VWDE: variants seen among roughly 807,000 people sequenced by gnomAD.
The protein encoded by VWDE is von Willebrand factor D and EGF domains.
In VWDE, 207 loss-of-function variants were observed where a neutral mutation model predicts 178.4. That is an observed-to-expected ratio of 1.16 (90% confidence interval 1.04 to 1.30). The LOEUF (loss-of-function observed/expected upper bound fraction) is 1.30, where lower values mean the gene tolerates loss of function less well. Ranked by LOEUF, VWDE falls within the 50% of genes most tolerant of loss-of-function variation. The pLI is 0.00. For missense variants in VWDE, 2,287 were observed against 1,901.3 expected, an observed-to-expected ratio of 1.20 and a Z score of -3.77; for synonymous variants, 738 against 651.4, an observed-to-expected ratio of 1.13 and a Z score of -2.02.
At chr7:12,347,920 C>T (rs1049725298) in intron 19 of VWDE, among the ~76,000 whole-genome samples, 18 of 152,028 alleles carry the variant, frequency 1.2e-4, no homozygotes, top group Admixed American at 6.6e-4. Context: ...AATAACGCCG[C>T]GTATCTACAA....
At chr7:12,337,417 T>C (rs914139063) in intron 24 of VWDE, 145 bp from the exon 25 acceptor site, 3 of 748,370 alleles carry the variant, frequency 4.0e-6, no homozygotes, top group African/African-American at 3.5e-5. Context: ...AAACCTGTCC[T>C]TTCTAAATCA....
chr7:12,357,583 TC>T (rs1169333507), intron 16 of VWDE, 68 bp from the exon 17 acceptor site: 3 of 1,483,716 alleles, frequency 2.0e-6, no homozygotes, highest in Non-Finnish European at 1.8e-6. Context: ...TTCTGAGAGC[TC>T]CCACAGAGAT....
intron 3 of VWDE, 140 bp from the exon 4 acceptor site, chr7:12,383,741 T>G: frequency 1.4e-6 from 1 of 724,204 alleles, no homozygotes. Flanking sequence ...TCATAACATT[T>G]TTTTCCTTTT....
At position 12,390,905 on chromosome 7, in the gene VWDE, C is replaced by T. The variant is rs188631514; in HGVS notation, c.244-1547G>A. On this transcript the variant is annotated intron_variant, in intron 2 of 28. Coordinates refer to ENST00000275358, the MANE Select transcript of VWDE (RefSeq NM_001135924.3). ...TTATAAAAATCAATCTTACTAAAGA[C>T]ACTAAAATTAAAACAATAATTACAT... Among the ~76,000 whole-genome samples, 354 of 152,164 alleles carry T rather than the reference C, an allele frequency of 2.3e-3. 4 individuals carry two copies. The highest frequency in any genetic ancestry group is 7.9e-3 in the African/African-American group (328 of 41,562).
intron 1 of VWDE, among the ~76,000 whole-genome samples, chr7:12,400,916 G>A (rs76206668): frequency 0.031 from 4,740 of 152,016 alleles, 255 homozygotes; most frequent in African/African-American, 0.11. Flanking sequence ...AACTAAAATC[G>A]AATTACTATA....
intron 19 of VWDE, among the ~76,000 whole-genome samples, 171 bp downstream of exon 19, chr7:12,351,402 C>A (rs1583290329): frequency 6.6e-6 from 1 of 151,986 alleles, no homozygotes; most frequent in African/African-American, 2.4e-5. Flanking sequence ...AAATATAAGC[C>A]AGATGATTGA....
chr7:12,359,632 G>C lies in VWDE; in HGVS notation c.3220C>G (p.Pro1074Ala). ...YVEGDKNPTS[P>A]CLICRPKISR... The stretch of plus-strand genomic sequence containing the variant: ...ATTTTGGGTCTACAAATCAAACAAG[G>C]GCTGGTTGGATTTTTGTCTCCTTCA... The change falls in exon 16 of 29, where the codon CCT becomes GCT. Residue 1074 changes from proline (P) to alanine (A), a missense_variant. Pro to Ala is a conservative substitution (Grantham distance 27, BLOSUM62 -1). Transcript: ENST00000275358. 2.6e-6 allele frequency: 4 copies of C among 1,550,088 alleles called. No individual in the cohort carries two copies. The highest frequency in any genetic ancestry group is 3.5e-6 in the Non-Finnish European group (4 of 1,146,166).
At chr7:12,375,336 A>G in intron 7 of VWDE, 109 bp from the exon 8 acceptor site, 1 of 960,320 alleles carries the variant, frequency 1.0e-6, no homozygotes, top group East Asian at 2.7e-5. Flanking sequence ...TTCTCAAATT[A>G]TTTTCTCTTT....
At chr7:12,361,617 A>G (rs1227057066) in intron 13 of VWDE, 96 bp from the exon 14 acceptor site, 10 of 1,156,792 alleles carry the variant, frequency 8.6e-6, no homozygotes, top group Non-Finnish European at 1.1e-5. Context: ...TTTAAAATAT[A>G]TGCCTAGTAT....
intron 24 of VWDE, among the ~76,000 whole-genome samples, chr7:12,338,246 T>C (rs1292529825): frequency 1.3e-5 from 2 of 151,952 alleles, no homozygotes; most frequent in Non-Finnish European, 2.9e-5. Context: ...AAACAGATAA[T>C]TTCCAGTATT....
At chr7:12,398,882 G>C (rs1784750856) in intron 1 of VWDE, among the ~76,000 whole-genome samples, 1 of 152,058 alleles carries the variant, frequency 6.6e-6, no homozygotes, top group Non-Finnish European at 1.5e-5. Context: ...ATAGACACTA[G>C]GGACTACTGA....
intron 19 of VWDE, among the ~76,000 whole-genome samples, chr7:12,346,905 C>T (rs4499984): frequency 0.99 from 151,265 of 152,202 alleles, 75,170 homozygotes; most frequent in East Asian, 1. Context: ...CAGAAAAAGA[C>T]AGAAGAAAAT....
chr7:12,341,873 C>T (rs906879765), intron 23 of VWDE, among the ~76,000 whole-genome samples, 186 bp downstream of exon 23: 13 of 152,090 alleles, frequency 8.5e-5, no homozygotes, highest in African/African-American at 1.7e-4. Context: ...AGACACCATA[C>T]GGTTCAACAT....
At chr7:12,377,274 A>T (rs1449604447) in intron 7 of VWDE, among the ~76,000 whole-genome samples, 2 of 152,196 alleles carry the variant, frequency 1.3e-5, no homozygotes, top group Non-Finnish European at 2.9e-5. Flanking sequence ...AAATAGAAGA[A>T]TTTTAAGACA....
intron 13 of VWDE, among the ~76,000 whole-genome samples, chr7:12,363,309 T>G (rs1491001105): frequency 6.6e-6 from 1 of 151,822 alleles, no homozygotes; most frequent in African/African-American, 2.4e-5. Flanking sequence ...GAATAGTGTA[T>G]GAAAAAGACA....
At chr7:12,347,857 C>G (rs540438200) in intron 19 of VWDE, among the ~76,000 whole-genome samples, 1 of 151,990 alleles carries the variant, frequency 6.6e-6, no homozygotes, top group Non-Finnish European at 1.5e-5. Flanking sequence ...AACAGCATGG[C>G]ACTGGTACCA....
chr7:12,367,247 T>A (rs969047603), intron 13 of VWDE, 110 bp downstream of exon 13: 1 of 805,938 alleles, frequency 1.2e-6, no homozygotes, highest in African/African-American at 1.8e-5. Context: ...TCTCTAGATA[T>A]AATATCGTTT....
chr7:12,350,348 G>A (rs1781860659), intron 19 of VWDE, among the ~76,000 whole-genome samples: 1 of 152,032 alleles, frequency 6.6e-6, no homozygotes, highest in Non-Finnish European at 1.5e-5. Context: ...TAAATATTGT[G>A]AGAAAATTAG....
rs1460233165 is a variant in VWDE at position 12,393,791 on chromosome 7, G to A, written c.59-13C>T. The A allele has an allele frequency of 6.6e-7, 1 of 1,522,254 alleles. No individual in the cohort carries two copies. Among genetic ancestry groups the A allele is most frequent in the African/African-American group, 1.4e-5 (1 of 71,712 alleles). 94.3% of individuals were successfully genotyped at this position (1,522,254 alleles called of 1,614,324 possible). ...GAGCACTCCTGAGCTAGTATGGAAA[G>A]ACAGGTGTTTTTATGTAATGTGTTT... is the stretch of plus-strand genomic sequence containing the variant. On this transcript the variant is annotated splice_polypyrimidine_tract_variant and intron_variant, in intron 1 of 28. Transcript: ENST00000275358.
Sources: allele counts gnomAD v4.1 joint callset (sites outside exome capture counted in the v4.1 genomes callset), GRCh38; gene constraint gnomAD v4.1.1; transcripts MANE v1.5; gene names NCBI Gene and HGNC (gene_info 2026-07-23, HGNC 2026-07-21).